The following PKD2L2 variants were observed in gnomAD, a reference collection of about 807,000 sequenced individuals.
The protein encoded by PKD2L2 is polycystin-2-like protein 2.
Under a neutral mutation model 83.9 loss-of-function variants are expected in PKD2L2, and 67 were observed. The observed-to-expected ratio is 0.80, with a 90% CI of 0.66 to 0.98. The LOEUF is 0.98. Ranked by LOEUF, PKD2L2 falls within the 50% of genes least tolerant of loss-of-function variation. PKD2L2 has a pLI of 0.00. For missense variants in PKD2L2, 632 were observed against 717.2 expected (o/e 0.88, Z 1.36); for synonymous variants, 223 against 237.8 (o/e 0.94, Z 0.57).
At chr5:137,929,551 A>AAAAAAAAAAAAAAAAAAAAAAAG (rs1293758199) in intron 12 of PKD2L2, among the ~76,000 whole-genome samples, 1 of 148,250 alleles carries the variant, frequency 6.7e-6, no homozygotes, top group African/African-American at 2.4e-5. Flanking sequence ...AAAAAAAAAA[A>AAAAAAAAAAAAAAAAAAAAAAAG]AAAAAAAACA....
chr5:137,908,017 AT>A, intron 7 of PKD2L2, 105 bp downstream of exon 7: 1 of 545,788 alleles, frequency 1.8e-6, no homozygotes, highest in Non-Finnish European at 3.0e-6. Flanking sequence ...CTATTAAGTA[AT>A]TTTAAAAGTA....
intron 3 of PKD2L2, among the ~76,000 whole-genome samples, chr5:137,893,021 A>T (rs965335153): frequency 6.6e-6 from 1 of 152,110 alleles, no homozygotes; most frequent in Non-Finnish European, 1.5e-5. Flanking sequence ...GTGAGCCAAG[A>T]TCATGCCATT....
At chr5:137,931,338 T>C (rs188431863) in intron 12 of PKD2L2, among the ~76,000 whole-genome samples, 51 of 152,170 alleles carry the variant, frequency 3.4e-4, no homozygotes, top group African/African-American at 7.7e-4. Context: ...GAAAATGCCC[T>C]GGCAAAGAGA....
Position 137,908,805 on chromosome 5 carries a change from T to C in PKD2L2, c.1187T>C (p.Leu396Pro). 1.3e-6 allele frequency: 2 copies of C among 1,585,832 alleles called. No homozygotes were observed. The highest frequency in any genetic ancestry group is 1.7e-6 in the Non-Finnish European group (2 of 1,162,262). ...FISFNKTMSQLSSTLSRCVKD... is the reference protein window; with the variant it reads ...FISFNKTMSQPSSTLSRCVKD... ...AGCTTTAACAAGACAATGTCTCAGC[T>C]GTCATCAACCTTGTCCCGTTGTGTT... Residue 396 changes from leucine (L) to proline (P), a missense_variant, in exon 8 of 15, where the codon CTG becomes CCG. By Grantham distance (98) the Leu-to-Pro change is moderately conservative (BLOSUM62 -3). Around this residue, in one of 3 missense-constraint regions of PKD2L2, gnomAD observed 399 missense variants for 416.9 expected, o/e 0.96. Coordinates refer to ENST00000508883, the MANE Select transcript of PKD2L2 (RefSeq NM_001300921.2).
At chr5:137,919,807 C>T (rs1208994583) in intron 8 of PKD2L2, among the ~76,000 whole-genome samples, 4 of 152,130 alleles carry the variant, frequency 2.6e-5, no homozygotes, top group Admixed American at 6.5e-5. Context: ...AATGCTTTTT[C>T]TTCCTTCATT....
chr5:137,892,693 A>C lies in PKD2L2; in HGVS notation c.267+80A>C, dbSNP rs1561672544. On this transcript the variant is annotated intron_variant, in intron 3 of 14. Coordinates refer to ENST00000508883, the MANE Select transcript of PKD2L2 (RefSeq NM_001300921.2). The stretch of plus-strand genomic sequence containing the variant: ...GGCATACACAGTGGGCACTCAATGA[A>C]TATCTTTTGAAGAAATGAATAAAAA... 7 of 1,055,338 alleles carry C rather than the reference A, an allele frequency of 6.6e-6. No homozygotes were observed. In the South Asian group the frequency reaches 9.4e-5, roughly 14 times the overall value. 65.4% of individuals were successfully genotyped at this position (1,055,338 alleles called of 1,614,324 possible).
Position 137,940,364 on chromosome 5 carries a change from A to T in PKD2L2, c.*18-2020A>T, listed in dbSNP as rs201312617. ...CTGGGCATTCCTAGGGGAGAAAATA[A>T]AATTTGTAATGTTCTAGAGATCATT... On this transcript the variant is annotated intron_variant, in intron 14 of 14. Transcript: ENST00000508883. 423 of 1,574,760 alleles carry T rather than the reference A, an allele frequency of 2.7e-4. 1 individual carries two copies. The highest frequency in any genetic ancestry group is 3.4e-4 in the Non-Finnish European group (397 of 1,158,414).
At chr5:137,917,162 CTTT>C (rs34636933) in intron 8 of PKD2L2, among the ~76,000 whole-genome samples, 8 of 127,200 alleles carry the variant, frequency 6.3e-5, no homozygotes, top group South Asian at 2.4e-4. Flanking sequence ...GTTCACTTTT[CTTT>C]TTTTTTTTTT....
chr5:137,917,526 A>G (rs977323614), intron 8 of PKD2L2, among the ~76,000 whole-genome samples: 2 of 151,964 alleles, frequency 1.3e-5, no homozygotes, highest in African/African-American at 4.8e-5. Context: ...CTTCAAGTTC[A>G]TTGATTCTTT....
chr5:137,934,874 C>T (rs960361085), intron 12 of PKD2L2, among the ~76,000 whole-genome samples: 2 of 152,140 alleles, frequency 1.3e-5, no homozygotes, highest in South Asian at 2.1e-4. Flanking sequence ...CAGAGTGAGA[C>T]TGTCACACAC....
At chr5:137,910,312 A>G (rs1561688002) in intron 8 of PKD2L2, among the ~76,000 whole-genome samples, 1 of 151,066 alleles carries the variant, frequency 6.6e-6, no homozygotes, top group Non-Finnish European at 1.5e-5. Context: ...CAGATGTAAT[A>G]ATTTACAGAG....
At chr5:137,890,813 C>T (rs767129909) in intron 2 of PKD2L2, among the ~76,000 whole-genome samples, 1 of 152,192 alleles carries the variant, frequency 6.6e-6, no homozygotes, top group Non-Finnish European at 1.5e-5. Context: ...TAAGAAGCTT[C>T]CATAGTCAAT....
intron 10 of PKD2L2, among the ~76,000 whole-genome samples, chr5:137,923,841 G>A (rs943135201): frequency 5.3e-5 from 8 of 152,008 alleles, no homozygotes; most frequent in Non-Finnish European, 1.2e-4. Flanking sequence ...TCTTCCTTCC[G>A]GAAAGTTTTT....
In PKD2L2 at chr5:137,890,492, C is replaced by T. The variant is rs1326929427; in HGVS notation, c.43C>T (p.His15Tyr). The change falls in exon 2 of 15, where the codon CAT becomes TAT. Residue 15 changes from histidine to tyrosine, a missense_variant. Coordinates refer to ENST00000508883, the MANE Select transcript of PKD2L2 (RefSeq NM_001300921.2). ...SRWHRGGASK[H>Y]KLHYRKEVEI... The stretch of plus-strand genomic sequence containing the variant: ...CTTATATCTCACAGGGGCTTCGAAA[C>T]ATAAGTTGCATTACAGAAAGGAAGT... 6.3e-6 allele frequency: 10 copies of T among 1,575,094 alleles called. No individual in the cohort carries two copies. The highest frequency in any genetic ancestry group is 7.8e-6 in the Non-Finnish European group (9 of 1,159,348).
chr5:137,916,698 T>C (rs971111853), intron 8 of PKD2L2, among the ~76,000 whole-genome samples: 1 of 151,906 alleles, frequency 6.6e-6, no homozygotes, highest in South Asian at 2.1e-4. Context: ...CAGGCTGGTC[T>C]CGAATTCCTA....
chr5:137,904,728 A>G (rs542315465), intron 5 of PKD2L2, among the ~76,000 whole-genome samples: 17 of 152,308 alleles, frequency 1.1e-4, no homozygotes, highest in Middle Eastern at 3.4e-3. Context: ...GTTTACCTAT[A>G]TAACAAACCT....
intron 6 of PKD2L2, among the ~76,000 whole-genome samples, chr5:137,906,705 C>T (rs1757398546): frequency 6.6e-6 from 1 of 151,992 alleles, no homozygotes. Context: ...CACAGTAGGC[C>T]TCCCTACCCC....
intron 10 of PKD2L2, among the ~76,000 whole-genome samples, chr5:137,924,817 A>C (rs1759238446): frequency 6.6e-6 from 1 of 152,198 alleles, no homozygotes. Context: ...CAAGTTCCAG[A>C]GTAATGCCCC....
chr5:137,899,366 C>A (rs571372453), intron 4 of PKD2L2, 150 bp from the exon 5 acceptor site: 72 of 602,660 alleles, frequency 1.2e-4, no homozygotes, highest in African/African-American at 9.9e-4. Flanking sequence ...ATCCGCCTAC[C>A]TCGGCCTCCC....
Sources: gnomAD v4.1 joint callset for allele counts (sites outside exome capture counted in the v4.1 genomes callset) on GRCh38, gnomAD v4.1.1 for gene constraint, gnomAD v4.1.1 regional missense constraint, MANE v1.5 for transcripts, NCBI Gene and HGNC (gene_info 2026-07-23, HGNC 2026-07-21) for gene names.